The following MYT1L variants were observed in gnomAD, a reference collection of about 807,000 sequenced individuals.
The protein encoded by MYT1L is myelin transcription factor 1 like.
MYT1L carries 12 observed loss-of-function variants against 126.7 expected under a neutral mutation model. The observed-to-expected ratio is 0.09, with a 90% CI of 0.06 to 0.15. The LOEUF (loss-of-function observed/expected upper bound fraction) is 0.15. MYT1L is among the 10% of genes least tolerant of loss of function. The pLI, the probability that MYT1L is intolerant of heterozygous loss-of-function variation, is 1.00. For synonymous variants in MYT1L, 541 were observed against 604.2 expected (o/e 0.90, Z 1.53); for missense variants, 979 against 1,585.2 (o/e 0.62, Z 6.49).
intron 3 of MYT1L, among the ~76,000 whole-genome samples, chr2:2,085,695 T>G (rs1558963318): frequency 6.6e-6 from 1 of 152,054 alleles, no homozygotes; most frequent in Non-Finnish European, 1.5e-5. Context: ...CACTCAATAA[T>G]GTTGGCAAAA....
intron 8 of MYT1L, among the ~76,000 whole-genome samples, chr2:1,969,569 C>G (rs1244502918): frequency 2.6e-5 from 4 of 152,212 alleles, no homozygotes; most frequent in Non-Finnish European, 4.4e-5. Context: ...ACTTGGGGAA[C>G]CCCGGCTCTA....
intron 2 of MYT1L, among the ~76,000 whole-genome samples, chr2:2,185,746 G>T (rs1192979207): frequency 1.2e-4 from 16 of 135,464 alleles, no homozygotes; most frequent in Non-Finnish European, 2.2e-4. Context: ...ACGCAGCCGG[G>T]CCTCCCAGAC....
Position 1,887,039 on chromosome 2 carries a change from T to G in MYT1L, c.2643-432A>C, listed in dbSNP as rs1351765446. The G allele has an allele frequency of 7.4e-6, 3 of 405,324 alleles. No individual in the cohort carries two copies. The highest frequency in any genetic ancestry group is 2.3e-4 in the South Asian group (2 of 8,526). The allele number at this position is 405,324 out of a possible 1,614,324, so 25.1% of individuals were successfully genotyped here. A position where few individuals can be genotyped will look rare whatever the true frequency, so the allele number is the denominator to read the frequency against. On this transcript the variant is annotated intron_variant, in intron 17 of 24. Coordinates refer to ENST00000647738, the MANE Select transcript of MYT1L (RefSeq NM_001303052.2). This position sits in a 1 kb window ranked among gnomAD's most constrained non-coding sequence, Gnocchi z 4.8. ...TAAATTGAAAAGACAGAATCCACCATGAGAAAAATGAAGTCACACCTTCTG... is the reference window on the plus strand; with the variant it reads ...TAAATTGAAAAGACAGAATCCACCAGGAGAAAAATGAAGTCACACCTTCTG...
At chr2:2,026,836 A>G (rs1250152190) in intron 4 of MYT1L, among the ~76,000 whole-genome samples, 1 of 152,098 alleles carries the variant, frequency 6.6e-6, no homozygotes, top group Non-Finnish European at 1.5e-5. Flanking sequence ...CAACACCAGG[A>G]GGGCGGGTCT....
chr2:2,296,451 A>T (rs866186643), intron 1 of MYT1L, among the ~76,000 whole-genome samples: 1 of 152,348 alleles, frequency 6.6e-6, no homozygotes, highest in Middle Eastern at 3.4e-3. Flanking sequence ...AAATTAAAAA[A>T]TATAAACAAA....
intron 4 of MYT1L, among the ~76,000 whole-genome samples, chr2:2,030,242 C>T (rs1407673962): frequency 1.3e-5 from 2 of 152,076 alleles, no homozygotes; most frequent in South Asian, 2.1e-4. Flanking sequence ...GGACTACAGG[C>T]GTATGCTACC....
At chr2:2,102,985 C>T (rs543644885) in intron 3 of MYT1L, among the ~76,000 whole-genome samples, 1 of 151,832 alleles carries the variant, frequency 6.6e-6, no homozygotes, top group African/African-American at 2.4e-5. Context: ...GTGCTCTGTG[C>T]AGGGAAGTAG....
intron 2 of MYT1L, among the ~76,000 whole-genome samples, chr2:2,231,525 G>A (rs1187937518): frequency 6.6e-6 from 1 of 152,016 alleles, no homozygotes; most frequent in Non-Finnish European, 1.5e-5. Context: ...GTAACTTCCT[G>A]CAACTTCCAC....
intron 23 of MYT1L, among the ~76,000 whole-genome samples, chr2:1,797,963 C>CCA (rs1362495269): frequency 3.1e-5 from 1 of 32,458 alleles, no homozygotes; most frequent in Admixed American, 4.2e-4. Context: ...TCTCCCCCTT[C>CCA]TCCGGCACAG....
At chr2:2,291,238 C>G (rs2095595064) in intron 1 of MYT1L, among the ~76,000 whole-genome samples, 1 of 152,086 alleles carries the variant, frequency 6.6e-6, no homozygotes, top group East Asian at 1.9e-4. Flanking sequence ...AGCTACAAAG[C>G]CAACGTACAG....
At chr2:1,812,763 C>G (rs2036871655) in intron 21 of MYT1L, among the ~76,000 whole-genome samples, 1 of 150,804 alleles carries the variant, frequency 6.6e-6, no homozygotes, top group African/African-American at 2.4e-5. Flanking sequence ...ATAATCCCAG[C>G]TACTTGGGAG....
chr2:2,043,099 C>G (rs1410391311), intron 4 of MYT1L, among the ~76,000 whole-genome samples: 1 of 152,154 alleles, frequency 6.6e-6, no homozygotes, highest in Non-Finnish European at 1.5e-5. Flanking sequence ...GGGGACCTCA[C>G]CCACGTTCTT....
intron 3 of MYT1L, among the ~76,000 whole-genome samples, chr2:2,093,722 T>G (rs1442203236): frequency 6.6e-6 from 1 of 152,218 alleles, no homozygotes; most frequent in Non-Finnish European, 1.5e-5. Flanking sequence ...ATTTTGGCTT[T>G]TGTTGCCATT....
intron 8 of MYT1L, among the ~76,000 whole-genome samples, chr2:1,945,214 G>C (rs1187786797): frequency 6.6e-6 from 1 of 152,140 alleles, no homozygotes. Flanking sequence ...TTTTGACCCA[G>C]GAAACAGGGA....
At chr2:2,129,835 G>A (rs1251784995) in intron 3 of MYT1L, among the ~76,000 whole-genome samples, 5 of 151,870 alleles carry the variant, frequency 3.3e-5, no homozygotes, top group African/African-American at 1.2e-4. Context: ...GAACCCGGGA[G>A]GCGGAGCTTG....
chr2:1,805,233 A>T (rs1053054444), intron 22 of MYT1L, among the ~76,000 whole-genome samples: 6 of 152,230 alleles, frequency 3.9e-5, no homozygotes, highest in Non-Finnish European at 8.8e-5. Context: ...AGGGAACCTC[A>T]AGGACATTTA....
intron 1 of MYT1L, among the ~76,000 whole-genome samples, chr2:2,294,199 C>T (rs574181972): frequency 1.4e-4 from 22 of 152,292 alleles, no homozygotes; most frequent in South Asian, 2.1e-4. Flanking sequence ...TGACGGTTAG[C>T]GACTCACGGG....
chr2:2,330,302 G>C (rs1441289013), intron 1 of MYT1L, among the ~76,000 whole-genome samples: 1 of 151,938 alleles, frequency 6.6e-6, no homozygotes, highest in Non-Finnish European at 1.5e-5. Context: ...TTCAAAATCT[G>C]TTCTCTATAT....
chr2:2,308,772 C>T (rs76632998), intron 1 of MYT1L, among the ~76,000 whole-genome samples: 3,694 of 151,432 alleles, frequency 0.024, 89 homozygotes, highest in South Asian at 0.11. Context: ...CTACCCATAC[C>T]TTCAGTACAT....
Sources: allele counts gnomAD v4.1 joint callset (sites outside exome capture counted in the v4.1 genomes callset), GRCh38; gene constraint gnomAD v4.1.1; non-coding constraint Gnocchi (gnomAD v3.1); transcripts MANE v1.5; gene names NCBI Gene and HGNC (gene_info 2026-07-23, HGNC 2026-07-21).